The following PTPRB variants were observed in gnomAD, a reference collection of about 807,000 sequenced individuals.
The protein encoded by PTPRB is receptor-type tyrosine-protein phosphatase beta.
In PTPRB, 97 loss-of-function variants were observed where a neutral mutation model predicts 238.1. The ratio of observed to expected loss-of-function variants is 0.41; its 90% confidence interval spans 0.35 to 0.48. PTPRB has a LOEUF of 0.48. PTPRB is among the 20% of genes least tolerant of loss of function. The pLI, the probability that PTPRB is intolerant of heterozygous loss-of-function variation, is 0.30. For missense variants in PTPRB, 2,292 were observed against 2,681.9 expected (o/e 0.85, Z 3.21); for synonymous variants, 970 against 995.4 (o/e 0.97, Z 0.48).
chr12:70,626,349 A>G (rs555129302), intron 2 of PTPRB, among the ~76,000 whole-genome samples: 1 of 142,062 alleles, frequency 7.0e-6, no homozygotes, highest in Non-Finnish European at 1.5e-5. Context: ...CTATCTATCT[A>G]TCTATCTATC....
Position 70,594,744 on chromosome 12 carries a change from G to T in PTPRB, c.1259-20C>A, listed in dbSNP as rs189304883. ...ATGGCACTAGTGGGATAAAATGCAT[G>T]TCCAAATGTCATTAATAATTCCCTT... On this transcript the variant is annotated intron_variant, in intron 5 of 33. Transcript: ENST00000334414. 3.7e-5 allele frequency: 59 copies of T among 1,612,226 alleles called. No individual in the cohort carries two copies. In the East Asian group the frequency reaches 1.3e-3, roughly 35 times the overall value.
chr12:70,555,008 A>G lies in PTPRB; in HGVS notation c.5143+152T>C, dbSNP rs1053723042. 3 of 823,880 alleles carry G rather than the reference A, an allele frequency of 3.6e-6. No homozygotes were observed. In the East Asian group the frequency reaches 8.5e-5, roughly 23 times the overall value. 51.0% of individuals were successfully genotyped at this position (823,880 alleles called of 1,614,324 possible). ...GAGCCTTTGAGCAGCTTTTTCTTACATCTCCCTGTATCCAGCAGAGAGAGG... is the reference window on the plus strand; with the variant it reads ...GAGCCTTTGAGCAGCTTTTTCTTACGTCTCCCTGTATCCAGCAGAGAGAGG... On this transcript the variant is annotated intron_variant, in intron 20 of 33. Coordinates refer to ENST00000334414, the MANE Select transcript of PTPRB (RefSeq NM_001109754.4).
intron 31 of PTPRB, among the ~76,000 whole-genome samples, chr12:70,534,183 A>C (rs1873730404): frequency 6.6e-6 from 1 of 152,216 alleles, no homozygotes. Context: ...GATGATGGAA[A>C]GCATGGAATT....
chr12:70,566,807 C>A (rs1055320317), intron 14 of PTPRB, 103 bp from the exon 15 acceptor site: 6 of 1,260,384 alleles, frequency 4.8e-6, no homozygotes, highest in Non-Finnish European at 3.3e-6. Context: ...GAAGATGATG[C>A]ATTTGCTTTA....
rs1009483079 is a variant in PTPRB at position 70,592,518 on chromosome 12, A to T, written c.1544T>A (p.Val515Glu). 3 of 1,613,616 alleles carry T rather than the reference A, an allele frequency of 1.9e-6. No homozygotes were observed. The African/African-American group carries it at 4.0e-5, about 22-fold the overall frequency. The change falls in exon 7 of 34, where the codon GTG becomes GAG. Residue 515 changes from valine (V) to glutamate (E), a missense_variant. Physicochemically the swap from Val to Glu is moderately radical, Grantham distance 121. This residue lies in a region of PTPRB where 1,205 missense variants were observed against 1,287.8 expected (regional missense o/e 0.94). Transcript: ENST00000334414. ...AGAGGTCAAACTGCCATCATTTGTCACCTTCAGATTTGAGACTTCCATGGG... is the reference window on the plus strand; with the variant it reads ...AGAGGTCAAACTGCCATCATTTGTCTCCTTCAGATTTGAGACTTCCATGGG... ...TAPMEVSNLK[V>E]TNDGSLTSLK...
chr12:70,521,434 TA>T lies in PTPRB; in HGVS notation c.*54del. On this transcript the variant is annotated 3_prime_UTR_variant, in exon 34 of 34. Coordinates refer to ENST00000334414, the MANE Select transcript of PTPRB (RefSeq NM_001109754.4). ...CTCTGTAGGGCATGAAGCAAGTTTT[TA>T]AAAACAAATCACACAGTGAATAATT... The T allele has an allele frequency of 6.8e-7, 1 of 1,476,522 alleles. No homozygotes were observed. The highest frequency in any genetic ancestry group is 9.1e-7 in the Non-Finnish European group (1 of 1,102,080). 91.5% of individuals were successfully genotyped at this position (1,476,522 alleles called of 1,614,324 possible).
chr12:70,603,840 T>C lies in PTPRB; in HGVS notation c.979+5229A>G, dbSNP rs185531876. On this transcript the variant is annotated intron_variant, in intron 4 of 33. Coordinates refer to ENST00000334414, the MANE Select transcript of PTPRB (RefSeq NM_001109754.4). Reference sequence around the variant, plus strand: ...CGTGGCTAGTAAGCGGTAGAGGCAGTCTACCTTCAAAACTCAACTCTTAGT... The same window carrying C: ...CGTGGCTAGTAAGCGGTAGAGGCAGCCTACCTTCAAAACTCAACTCTTAGT... Among the ~76,000 whole-genome samples, 277 of 152,304 alleles carry C rather than the reference T, an allele frequency of 1.8e-3. 1 individual carries two copies. The highest frequency in any genetic ancestry group is 6.1e-3 in the African/African-American group (253 of 41,570).
chr12:70,593,405 C>T (rs996964796), intron 6 of PTPRB, among the ~76,000 whole-genome samples: 16 of 149,144 alleles, frequency 1.1e-4, no homozygotes, highest in East Asian at 2.0e-4. Flanking sequence ...CTTAGCTACT[C>T]GGGAGGCTGA....
chr12:70,634,997 GACTGA>G (rs1885618691), intron 2 of PTPRB, among the ~76,000 whole-genome samples: 1 of 152,112 alleles, frequency 6.6e-6, no homozygotes, highest in African/African-American at 2.4e-5. Flanking sequence ...CCTAGCTCAG[GACTGA>G]ACTGTGTCCT....
chr12:70,534,702 C>T lies in PTPRB; in HGVS notation c.6205-51G>A, dbSNP rs546146150. 3.1e-6 allele frequency: 5 copies of T among 1,602,370 alleles called. No individual in the cohort carries two copies. The South Asian group carries it at 4.5e-5, about 14-fold the overall frequency. ...AGAGGAACTGTCCAATGCAAACCTT[C>T]AAACTTGACAGCTGAGCCATGGAGC... On this transcript the variant is annotated intron_variant, in intron 30 of 33. Transcript: ENST00000334414.
rs1186205959 is a variant in PTPRB, at chr12:70,519,373, G to C, written c.*2116C>G. ...TGGAAGGTGACCACTGTCCTAGACTGGCTCAGTTATCCCATTCCCTTGATG... is the reference window on the plus strand; with the variant it reads ...TGGAAGGTGACCACTGTCCTAGACTCGCTCAGTTATCCCATTCCCTTGATG... On this transcript the variant is annotated 3_prime_UTR_variant, in exon 34 of 34. Transcript: ENST00000334414. The C allele has an allele frequency of 6.6e-6, 1 of 152,184 alleles. No individual in the cohort carries two copies. Among genetic ancestry groups the C allele is most frequent in the African/African-American group, 2.4e-5 (1 of 41,436 alleles). 9.4% of individuals were successfully genotyped at this position (152,184 alleles called of 1,614,324 possible).
intron 3 of PTPRB, among the ~76,000 whole-genome samples, chr12:70,614,358 C>G (rs1478006680): frequency 6.6e-6 from 1 of 151,822 alleles, no homozygotes; most frequent in Non-Finnish European, 1.5e-5. Context: ...ATAAATTTTA[C>G]TGAGCTCTTT....
chr12:70,601,896 T>C (rs1383587495), intron 4 of PTPRB, among the ~76,000 whole-genome samples: 1 of 149,572 alleles, frequency 6.7e-6, no homozygotes, highest in Non-Finnish European at 1.5e-5. Flanking sequence ...GGTCCTGCCA[T>C]TCCCCTGCCT....
intron 21 of PTPRB, among the ~76,000 whole-genome samples, chr12:70,548,689 C>T (rs1478918761): frequency 6.6e-6 from 1 of 152,124 alleles, no homozygotes; most frequent in Non-Finnish European, 1.5e-5. Flanking sequence ...TAAAACTTTT[C>T]CAAAAATGAA....
intron 4 of PTPRB, among the ~76,000 whole-genome samples, chr12:70,602,330 A>G (rs543964656): frequency 6.6e-6 from 1 of 152,280 alleles, no homozygotes; most frequent in African/African-American, 2.4e-5. Context: ...CCTCATCCCC[A>G]TGATATTCTT....
Position 70,552,675 on chromosome 12 carries a change from G to T in PTPRB, c.5387+102C>A, listed in dbSNP as rs1317696722. The T allele has an allele frequency of 5.6e-6, 8 of 1,423,066 alleles. No individual in the cohort carries two copies. In the Admixed American group the frequency reaches 1.4e-4, roughly 25 times the overall value. 88.2% of individuals were successfully genotyped at this position (1,423,066 alleles called of 1,614,324 possible). On this transcript the variant is annotated intron_variant, in intron 21 of 33. Transcript: ENST00000334414. ...AATGCACAGTACTCTTGTAACGTAG[G>T]TTATTAATCTATGGAAGCTCGCATG...
At chr12:70,524,837 A>G (rs1476541732) in intron 32 of PTPRB, among the ~76,000 whole-genome samples, 1 of 144,728 alleles carries the variant, frequency 6.9e-6, no homozygotes, top group Non-Finnish European at 1.5e-5. Context: ...GTGTGCATAT[A>G]TGTGTGTATA....
rs763414207 is a variant in PTPRB at position 70,590,007 on chromosome 12, C to A, written c.2007G>T (p.Glu669Asp). The A allele has an allele frequency of 5.0e-6, 8 of 1,613,982 alleles. No homozygotes were observed. Among genetic ancestry groups the A allele is most frequent in the Non-Finnish European group, 5.1e-6 (6 of 1,179,880 alleles). The change falls in exon 8 of 34, where the codon GAG (glutamate) becomes GAT (aspartate). Residue 669 changes from glutamate (E) to aspartate (D), a missense_variant. By Grantham distance (45) the Glu-to-Asp change is conservative (BLOSUM62 2). This residue lies in a region of PTPRB where 1,205 missense variants were observed against 1,287.8 expected (regional missense o/e 0.94). Transcript: ENST00000334414. ...GRQYEVEVIV[E>D]SGNLKNSERC... is the part of the protein sequence containing the mutation. ...GCTCAGAATTCTTCAAATTTCCACT[C>A]TCAACAATGACTTCCACCTCATACT...
intron 21 of PTPRB, among the ~76,000 whole-genome samples, chr12:70,551,951 TG>T (rs1876943675): frequency 1.3e-5 from 2 of 152,062 alleles, no homozygotes; most frequent in Admixed American, 6.5e-5. Context: ...GTCATCTCCA[TG>T]GGGAAAAAAG....
Sources: gnomAD v4.1 joint callset for allele counts (sites outside exome capture counted in the v4.1 genomes callset) on GRCh38, gnomAD v4.1.1 for gene constraint, gnomAD v4.1.1 regional missense constraint, MANE v1.5 for transcripts, NCBI Gene and HGNC (gene_info 2026-07-23, HGNC 2026-07-21) for gene names.